Variants in TMEM135 observed in about 807,000 individuals in gnomAD.
TMEM135 encodes transmembrane protein 135, also known as peroxisomal membrane protein 52.
Under a neutral mutation model 60.3 loss-of-function variants are expected in TMEM135, and 30 were observed. The observed-to-expected ratio is 0.50, with a 90% CI of 0.37 to 0.68. The LOEUF (loss-of-function observed/expected upper bound fraction) is 0.68, where lower values mean the gene tolerates loss of function less well. Ranked by LOEUF, TMEM135 falls within the 30% of genes least tolerant of loss-of-function variation. TMEM135 has a pLI of 0.00. For synonymous variants in TMEM135, 190 were observed against 186.7 expected (o/e 1.02, Z -0.14); for missense variants, 468 against 548.8 (o/e 0.85, Z 1.47).
intron 5 of TMEM135, among the ~76,000 whole-genome samples, chr11:87,219,750 T>C (rs1162748766): frequency 6.6e-6 from 1 of 152,176 alleles, no homozygotes; most frequent in South Asian, 2.1e-4. Context: ...TGACCATAAG[T>C]TTTACATGAA....
intron 1 of TMEM135, among the ~76,000 whole-genome samples, chr11:87,060,570 C>T (rs1449492572): frequency 6.6e-6 from 1 of 152,044 alleles, no homozygotes; most frequent in Non-Finnish European, 1.5e-5. Context: ...AGCCACTTGC[C>T]TGACTTCAAT....
At chr11:87,079,350 G>A (rs919135024) in intron 3 of TMEM135, among the ~76,000 whole-genome samples, 1 of 152,152 alleles carries the variant, frequency 6.6e-6, no homozygotes, top group African/African-American at 2.4e-5. Flanking sequence ...TTACATTTAA[G>A]TCTTTCATCC....
intron 4 of TMEM135, among the ~76,000 whole-genome samples, chr11:87,098,282 C>G (rs370467799): frequency 6.6e-5 from 10 of 151,988 alleles, no homozygotes; most frequent in Non-Finnish European, 8.8e-5. Context: ...AGGAGACATA[C>G]CAGATTAAAC....
intron 4 of TMEM135, among the ~76,000 whole-genome samples, chr11:87,124,355 C>G (rs1247619786): frequency 6.6e-6 from 1 of 152,168 alleles, no homozygotes; most frequent in African/African-American, 2.4e-5. Flanking sequence ...TAACATTCCC[C>G]TCCTTCCACC....
chr11:87,316,593 T>C (rs1382098824), intron 12 of TMEM135, among the ~76,000 whole-genome samples: 1 of 151,938 alleles, frequency 6.6e-6, no homozygotes, highest in African/African-American at 2.4e-5. Context: ...GCAGTAGAGA[T>C]GGAGAGAACT....
intron 6 of TMEM135, among the ~76,000 whole-genome samples, chr11:87,247,698 G>A (rs534805617): frequency 6.6e-6 from 1 of 152,320 alleles, no homozygotes; most frequent in East Asian, 1.9e-4. Flanking sequence ...CGTTTTTTAA[G>A]CCTGTCGGAA....
At chr11:87,293,757 T>C (rs1942305949) in intron 6 of TMEM135, among the ~76,000 whole-genome samples, 1 of 152,238 alleles carries the variant, frequency 6.6e-6, no homozygotes, top group African/African-American at 2.4e-5. Context: ...ATCCATTTGA[T>C]CATTGATGGG....
At position 87,076,818 on chromosome 11, in the gene TMEM135, G is replaced by A. The variant is rs186116283; in HGVS notation, c.362+5203G>A. Among the ~76,000 whole-genome samples, 31 of 152,294 alleles carry A rather than the reference G, an allele frequency of 2.0e-4. No individual in the cohort carries two copies. The East Asian group carries it at 5.6e-3, about 28-fold the overall frequency. On this transcript the variant is annotated intron_variant, in intron 3 of 14. Transcript: ENST00000305494. Reference sequence around the variant, plus strand: ...TCCCTTTTGGCCCAAGGTATGTCTAGAAATGTCATCCAGGAGCAAGGCTTG... The same window carrying A: ...TCCCTTTTGGCCCAAGGTATGTCTAAAAATGTCATCCAGGAGCAAGGCTTG...
intron 4 of TMEM135, among the ~76,000 whole-genome samples, chr11:87,092,468 G>C (rs771763510): frequency 1.3e-5 from 2 of 152,142 alleles, no homozygotes; most frequent in Non-Finnish European, 2.9e-5. Context: ...TTTCATTTCA[G>C]AGTGTTCATG....
intron 14 of TMEM135, among the ~76,000 whole-genome samples, chr11:87,320,765 A>G (rs2134539867): frequency 6.6e-6 from 1 of 152,252 alleles, no homozygotes; most frequent in South Asian, 2.1e-4. Flanking sequence ...TGATGGTGAG[A>G]CATTATGATG....
chr11:87,086,439 G>A (rs1467912796), intron 3 of TMEM135, among the ~76,000 whole-genome samples: 3 of 152,098 alleles, frequency 2.0e-5, no homozygotes, highest in Non-Finnish European at 2.9e-5. Flanking sequence ...TGTCCAAGAA[G>A]AATTAGGATA....
At chr11:87,204,081 G>T (rs1940181752) in intron 5 of TMEM135, among the ~76,000 whole-genome samples, 1 of 151,088 alleles carries the variant, frequency 6.6e-6, no homozygotes, top group Non-Finnish European at 1.5e-5. Flanking sequence ...TCTGTACCCT[G>T]TTCCTCTTTT....
rs1314135471 is a variant in TMEM135 at position 87,327,521 on chromosome 11, G to C, written c.*6188G>C. The C allele has an allele frequency of 4.4e-6, 2 of 453,458 alleles. No homozygotes were observed. The highest frequency in any genetic ancestry group is 4.0e-5 in the African/African-American group (2 of 49,918). The allele number at this position is 453,458 out of a possible 1,614,324, so 28.1% of individuals were successfully genotyped here. A position where few individuals can be genotyped will look rare whatever the true frequency, so the allele number is the denominator to read the frequency against. ...AGAGAGGCAGAACAATAGGGATAGA[G>C]AGATACATAGAGAGAGATATGAGAG... On this transcript the variant is annotated 3_prime_UTR_variant, in exon 15 of 15. Coordinates refer to ENST00000305494, the MANE Select transcript of TMEM135 (RefSeq NM_022918.4).
chr11:87,168,854 A>G (rs1939143883), intron 5 of TMEM135, among the ~76,000 whole-genome samples: 1 of 152,084 alleles, frequency 6.6e-6, no homozygotes, highest in Non-Finnish European at 1.5e-5. Context: ...AGTCCTGGAT[A>G]TCCTTGTTAA....
chr11:87,062,495 A>T (rs1259289806), intron 1 of TMEM135, among the ~76,000 whole-genome samples: 2 of 124,476 alleles, frequency 1.6e-5, no homozygotes, highest in African/African-American at 6.3e-5. Flanking sequence ...ATGGAGTCTC[A>T]CTCTGTCGCC....
intron 6 of TMEM135, among the ~76,000 whole-genome samples, chr11:87,237,448 G>A (rs959345403): frequency 1.3e-5 from 2 of 151,794 alleles, no homozygotes; most frequent in African/African-American, 4.8e-5. Context: ...GACAGGACCA[G>A]GCTTTTCAAA....
At position 87,327,820 on chromosome 11, in the gene TMEM135, G is replaced by A. The variant is rs1942936116; in HGVS notation, c.*6487G>A. 1 of 453,908 alleles carries A rather than the reference G, an allele frequency of 2.2e-6. No individual in the cohort carries two copies. Among genetic ancestry groups the A allele is most frequent in the South Asian group, 1.6e-5 (1 of 64,476 alleles). 28.1% of individuals were successfully genotyped at this position (453,908 alleles called of 1,614,324 possible). A position where few individuals can be genotyped will look rare whatever the true frequency, so the allele number is the denominator to read the frequency against. The stretch of plus-strand genomic sequence containing the variant: ...TGGAGTCCCAAGGTTAGAGGATCTG[G>A]GGTCCTAATGTCCATGGGCAGTTGG... On this transcript the variant is annotated 3_prime_UTR_variant, in exon 15 of 15. Coordinates refer to ENST00000305494, the MANE Select transcript of TMEM135 (RefSeq NM_022918.4).
At chr11:87,215,535 C>G (rs1940481782) in intron 5 of TMEM135, among the ~76,000 whole-genome samples, 1 of 152,094 alleles carries the variant, frequency 6.6e-6, no homozygotes, top group South Asian at 2.1e-4. Context: ...CTCAAGTTGG[C>G]TAGTTCATAT....
chr11:87,220,866 A>AT (rs1254598658), intron 5 of TMEM135, among the ~76,000 whole-genome samples: 2 of 152,160 alleles, frequency 1.3e-5, no homozygotes, highest in Non-Finnish European at 2.9e-5. Flanking sequence ...AATAACCTAC[A>AT]TTTTCAAGGT....
Sources: gnomAD v4.1 joint callset for allele counts (sites outside exome capture counted in the v4.1 genomes callset) on GRCh38, gnomAD v4.1.1 for gene constraint, MANE v1.5 for transcripts, NCBI Gene and HGNC (gene_info 2026-07-23, HGNC 2026-07-21) for gene names.